MACROD2: variants seen among roughly 807,000 people sequenced by gnomAD.
MACROD2 encodes mono-ADP ribosylhydrolase 2, also known as ADP-ribose glycohydrolase MACROD2.
Under a neutral mutation model 70.4 loss-of-function variants are expected in MACROD2, and 36 were observed. That is an observed-to-expected ratio of 0.51 (90% CI 0.39 to 0.68). MACROD2 has a LOEUF of 0.68. Ranked by LOEUF, MACROD2 falls within the 30% of genes least tolerant of loss-of-function variation. The pLI is 0.00. For missense variants in MACROD2, 496 were observed against 538.4 expected, an observed-to-expected ratio of 0.92 and a Z score of 0.78; for synonymous variants, 172 against 178.8, an observed-to-expected ratio of 0.96 and a Z score of 0.30.
intron 4 of MACROD2, among the ~76,000 whole-genome samples, chr20:14,524,068 A>G (rs2085201518): frequency 6.6e-6 from 1 of 152,224 alleles, no homozygotes; most frequent in African/African-American, 2.4e-5. Context: ...CTTATAGGTT[A>G]TAGCTAGGTT....
intron 5 of MACROD2, among the ~76,000 whole-genome samples, chr20:14,806,918 T>C (rs527294630): frequency 1.3e-5 from 2 of 152,246 alleles, no homozygotes; most frequent in East Asian, 3.9e-4. Context: ...AGGGCATCTC[T>C]GAAATAAAGG....
chr20:14,745,721 G>A (rs899847192), intron 5 of MACROD2, among the ~76,000 whole-genome samples: 2 of 152,128 alleles, frequency 1.3e-5, no homozygotes, highest in Non-Finnish European at 2.9e-5. Flanking sequence ...TGTACCAGGC[G>A]ATTTTACCCC....
intron 4 of MACROD2, among the ~76,000 whole-genome samples, chr20:14,604,522 C>T (rs1050469193): frequency 6.6e-6 from 1 of 152,124 alleles, no homozygotes; most frequent in Admixed American, 6.6e-5. Flanking sequence ...CAGGTGGCTG[C>T]GTTTAGAAGG....
intron 4 of MACROD2, among the ~76,000 whole-genome samples, chr20:14,678,702 C>A (rs1034574192): frequency 6.6e-6 from 1 of 152,140 alleles, no homozygotes; most frequent in African/African-American, 2.4e-5. Context: ...TATTCCACAT[C>A]TTGCCACTAT....
intron 5 of MACROD2, among the ~76,000 whole-genome samples, chr20:14,911,240 G>A (rs1205235779): frequency 6.6e-6 from 1 of 152,130 alleles, no homozygotes; most frequent in Admixed American, 6.6e-5. Flanking sequence ...CAGTTCCTTG[G>A]TGTGGTTTTA....
intron 10 of MACROD2, among the ~76,000 whole-genome samples, chr20:15,929,857 T>C (rs1362312372): frequency 1.3e-5 from 2 of 152,216 alleles, no homozygotes; most frequent in African/African-American, 4.8e-5. Context: ...TTGCAAACAG[T>C]ACACATTTGA....
At chr20:14,195,355 T>G (rs938941409) in intron 3 of MACROD2, among the ~76,000 whole-genome samples, 1 of 152,008 alleles carries the variant, frequency 6.6e-6, no homozygotes, top group Admixed American at 6.6e-5. Context: ...GCTTGGAATG[T>G]CCCTCTGATA....
chr20:14,379,630 C>T (rs1037092319), intron 3 of MACROD2, among the ~76,000 whole-genome samples: 1 of 151,998 alleles, frequency 6.6e-6, no homozygotes, highest in Non-Finnish European at 1.5e-5. Flanking sequence ...TTACCCTCAG[C>T]CCCTGGTAAT....
intron 8 of MACROD2, among the ~76,000 whole-genome samples, chr20:15,780,675 C>A (rs141712684): frequency 1.7e-4 from 26 of 152,082 alleles, no homozygotes; most frequent in Non-Finnish European, 3.2e-4. Flanking sequence ...GGGCAAGGGG[C>A]AAAATGGAAG....
chr20:14,027,551 C>T (rs181525164), intron 2 of MACROD2, among the ~76,000 whole-genome samples: 111 of 152,214 alleles, frequency 7.3e-4, no homozygotes, highest in African/African-American at 2.5e-3. Flanking sequence ...TTCTGGTTTT[C>T]GGAATTTTCA....
At chr20:15,166,476 G>A (rs1341099874) in intron 5 of MACROD2, among the ~76,000 whole-genome samples, 2 of 152,098 alleles carry the variant, frequency 1.3e-5, no homozygotes, top group Non-Finnish European at 2.9e-5. Context: ...CCAGCCTGAA[G>A]AATGTAAAAA....
intron 8 of MACROD2, among the ~76,000 whole-genome samples, chr20:15,735,172 G>T (rs1305631552): frequency 1.3e-5 from 2 of 152,110 alleles, no homozygotes; most frequent in Non-Finnish European, 2.9e-5. Context: ...TATTGGCCAA[G>T]CTGTCCTTGA....
chr20:15,726,047 C>CCAATA (rs2050858039), intron 8 of MACROD2, among the ~76,000 whole-genome samples: 1 of 151,962 alleles, frequency 6.6e-6, no homozygotes, highest in African/African-American at 2.4e-5. Context: ...AGCATACTAC[C>CCAATA]CAATAGGTGG....
chr20:15,903,488 G>A (rs563731564), intron 10 of MACROD2, among the ~76,000 whole-genome samples: 1 of 152,134 alleles, frequency 6.6e-6, no homozygotes, highest in African/African-American at 2.4e-5. Flanking sequence ...AGAGGGGTGG[G>A]TTCCGCACTA....
chr20:15,494,901 A>T (rs955198061), intron 7 of MACROD2, among the ~76,000 whole-genome samples: 7 of 152,220 alleles, frequency 4.6e-5, no homozygotes, highest in African/African-American at 1.7e-4. Flanking sequence ...AATTTTATGA[A>T]TCTATGCTAA....
intron 5 of MACROD2, among the ~76,000 whole-genome samples, chr20:14,898,204 C>T (rs2073852964): frequency 6.6e-6 from 1 of 151,822 alleles, no homozygotes; most frequent in Non-Finnish European, 1.5e-5. Context: ...AACTTATTAC[C>T]TCAGGTTAGG....
Position 15,732,698 on chromosome 20 carries a change from T to C in MACROD2, c.646-130047T>C, listed in dbSNP as rs186780838. 3.3e-5 allele frequency among the ~76,000 whole-genome samples: 5 copies of C among 152,264 alleles called. No homozygotes were observed. In the East Asian group the frequency reaches 9.6e-4, roughly 29 times the overall value. On this transcript the variant is annotated intron_variant, in intron 8 of 17. Transcript: ENST00000684519. ...TTTGTAATACATCATTGGACTCTAT[T>C]TGCTAATATTTGTTTAGGATTTTTA... is the stretch of plus-strand genomic sequence containing the variant.
chr20:15,835,990 G>A (rs2147123639), intron 8 of MACROD2, among the ~76,000 whole-genome samples: 1 of 152,256 alleles, frequency 6.6e-6, no homozygotes, highest in East Asian at 1.9e-4. Flanking sequence ...GAAGCCCCTG[G>A]GAACACAGGC....
intron 6 of MACROD2, among the ~76,000 whole-genome samples, chr20:15,242,696 G>A (rs192573351): frequency 9.2e-5 from 14 of 152,248 alleles, no homozygotes; most frequent in African/African-American, 3.4e-4. Flanking sequence ...CCAAGAAACA[G>A]GATCTAGTAG....
Sources: allele counts gnomAD v4.1 joint callset (sites outside exome capture counted in the v4.1 genomes callset), GRCh38; gene constraint gnomAD v4.1.1; transcripts MANE v1.5; gene names NCBI Gene and HGNC (gene_info 2026-07-23, HGNC 2026-07-21).